The following PDE4D variants were observed in gnomAD, a reference collection of about 807,000 sequenced individuals.
PDE4D encodes 3',5'-cyclic-AMP phosphodiesterase 4D.
Under a neutral mutation model 87.4 loss-of-function variants are expected in PDE4D, and 24 were observed. The observed-to-expected ratio is 0.27, with a 90% CI of 0.20 to 0.39. The LOEUF is 0.39. Among genes scored for constraint, PDE4D ranks in the 10% least tolerant of loss-of-function variants. PDE4D has a pLI of 1.00. For synonymous variants in PDE4D, 384 were observed against 383.2 expected, an observed-to-expected ratio of 1.00 and a Z score of -0.02; for missense variants, 714 against 1,041.0, an observed-to-expected ratio of 0.69 and a Z score of 4.32.
intron 1 of PDE4D, among the ~76,000 whole-genome samples, chr5:59,843,412 AT>A (rs1743343951): frequency 6.6e-6 from 1 of 152,026 alleles, no homozygotes; most frequent in African/African-American, 2.4e-5. Context: ...CCAAAAAAAA[AT>A]CATCTCTATC....
intron 1 of PDE4D, among the ~76,000 whole-genome samples, chr5:59,543,627 G>A (rs756871918): frequency 6.6e-6 from 1 of 152,128 alleles, no homozygotes; most frequent in Non-Finnish European, 1.5e-5. Flanking sequence ...CCCAGCTGCT[G>A]GGACTTTTCT....
chr5:60,438,158 C>A (rs561188705), intron 1 of PDE4D, among the ~76,000 whole-genome samples: 1 of 152,094 alleles, frequency 6.6e-6, no homozygotes. Context: ...CATTTTAATG[C>A]AATTATTACG....
intron 1 of PDE4D, among the ~76,000 whole-genome samples, chr5:59,713,303 A>G (rs1291743266): frequency 1.3e-5 from 2 of 152,220 alleles, no homozygotes; most frequent in Non-Finnish European, 2.9e-5. Flanking sequence ...AGCATGACTC[A>G]GCAAGTTTGG....
chr5:59,015,370 T>C (rs1753757712), intron 6 of PDE4D, among the ~76,000 whole-genome samples: 1 of 152,028 alleles, frequency 6.6e-6, no homozygotes. Flanking sequence ...TTGCTATCTA[T>C]CCATCTGACA....
At chr5:60,419,644 TAGGC>T (rs1245039788) in intron 1 of PDE4D, among the ~76,000 whole-genome samples, 8 of 152,118 alleles carry the variant, frequency 5.3e-5, no homozygotes, top group African/African-American at 1.4e-4. Flanking sequence ...TTTTTTAAGA[TAGGC>T]AGAATGCATT....
chr5:60,077,159 G>T (rs1473363457), intron 2 of PDE4D, among the ~76,000 whole-genome samples: 1 of 152,218 alleles, frequency 6.6e-6, no homozygotes, highest in Non-Finnish European at 1.5e-5. Context: ...AGGCAGGGCT[G>T]GTGGGCTCTG....
intron 5 of PDE4D, among the ~76,000 whole-genome samples, chr5:59,071,544 G>GTT (rs11401918): frequency 0.17 from 23,872 of 140,520 alleles, 2,574 homozygotes; most frequent in Admixed American, 0.28. Flanking sequence ...TCTCTGAGTT[G>GTT]TTTTTTTTTT....
chr5:59,983,788 C>T (rs940435800), intron 3 of PDE4D, among the ~76,000 whole-genome samples: 1 of 152,128 alleles, frequency 6.6e-6, no homozygotes, highest in Non-Finnish European at 1.5e-5. Context: ...CTTTAGAAAA[C>T]TGTTGGGCAG....
intron 1 of PDE4D, among the ~76,000 whole-genome samples, chr5:60,463,375 GAC>G (rs145535693): frequency 5.3e-5 from 8 of 151,018 alleles, no homozygotes; most frequent in South Asian, 2.1e-4. Flanking sequence ...GACACACACA[GAC>G]ACACACACAC....
intron 1 of PDE4D, among the ~76,000 whole-genome samples, chr5:60,299,343 A>G (rs567424986): frequency 1.3e-5 from 2 of 152,336 alleles, no homozygotes; most frequent in South Asian, 2.1e-4. Context: ...TTCACTTCCA[A>G]TTGACTGGCT....
chr5:60,457,260 CAGTG>C (rs1746545538), intron 1 of PDE4D, among the ~76,000 whole-genome samples: 2 of 152,148 alleles, frequency 1.3e-5, no homozygotes, highest in African/African-American at 4.8e-5. Context: ...GGATACAAAT[CAGTG>C]AGTAATAAGG....
chr5:60,104,537 T>A (rs1776638767), intron 2 of PDE4D, among the ~76,000 whole-genome samples: 2 of 152,232 alleles, frequency 1.3e-5, no homozygotes, highest in Admixed American at 1.3e-4. Flanking sequence ...GCTGGAGATC[T>A]GAGAATGGGC....
At chr5:59,214,072 A>G (rs1449953044) in intron 2 of PDE4D, among the ~76,000 whole-genome samples, 1 of 147,024 alleles carries the variant, frequency 6.8e-6, no homozygotes, top group Non-Finnish European at 1.5e-5. Context: ...ACACACACAC[A>G]CACACAACCA....
At chr5:60,265,862 C>G (rs1247002537) in intron 1 of PDE4D, among the ~76,000 whole-genome samples, 1 of 152,124 alleles carries the variant, frequency 6.6e-6, no homozygotes, top group East Asian at 1.9e-4. Flanking sequence ...TTTGAAGCAG[C>G]CTCTCTGACA....
intron 5 of PDE4D, among the ~76,000 whole-genome samples, chr5:59,044,180 A>G (rs1760231040): frequency 6.6e-6 from 1 of 152,180 alleles, no homozygotes; most frequent in East Asian, 1.9e-4. Flanking sequence ...CAACAGTGTA[A>G]AAGTGTTCCT....
chr5:59,642,593 G>A (rs201694275), intron 1 of PDE4D, among the ~76,000 whole-genome samples: 22 of 152,104 alleles, frequency 1.4e-4, no homozygotes, highest in East Asian at 1.2e-3. Context: ...TTTTCTTGCC[G>A]CCACCATGTA....
intron 5 of PDE4D, among the ~76,000 whole-genome samples, chr5:59,161,871 C>G (rs193139418): frequency 6.6e-6 from 1 of 152,084 alleles, no homozygotes; most frequent in East Asian, 1.9e-4. Flanking sequence ...TTCAGAGGTG[C>G]GGTTTGATGA....
rs564235008 is a variant in PDE4D at position 60,150,062 on chromosome 5, T to TC, written c.42+35494_42+35495insG. On this transcript the variant is annotated intron_variant, in intron 2 of 16. Coordinates refer to the PDE4D transcript ENST00000502484. The stretch of plus-strand genomic sequence containing the variant: ...TAGTATATATAATTCTATATACTAG[T>TC]ATATATGACTAGTATATAGAATTAT... 2.7e-4 allele frequency among the ~76,000 whole-genome samples: 40 copies of TC among 147,806 alleles called. No individual in the cohort carries two copies. In the East Asian group the frequency reaches 2.9e-3, roughly 11 times the overall value.
intron 1 of PDE4D, among the ~76,000 whole-genome samples, chr5:59,650,847 CTAAA>C (rs1234218815): frequency 1.3e-5 from 2 of 152,006 alleles, no homozygotes; most frequent in Non-Finnish European, 1.5e-5. Flanking sequence ...TGTGCAATAG[CTAAA>C]TAAAGAAGAA....
Sources: allele counts gnomAD v4.1 joint callset (sites outside exome capture counted in the v4.1 genomes callset), GRCh38; gene constraint gnomAD v4.1.1; transcripts MANE v1.5; gene names NCBI Gene and HGNC (gene_info 2026-07-23, HGNC 2026-07-21).